Variants in LSP1 observed in about 807,000 individuals in gnomAD.
LSP1 encodes the protein lymphocyte specific protein 1, also known as lymphocyte-specific protein 1.
In LSP1, 32 loss-of-function variants were observed where a neutral mutation model predicts 49.3. The observed-to-expected ratio is 0.65, with a 90% confidence interval of 0.49 to 0.87. The LOEUF (loss-of-function observed/expected upper bound fraction) is 0.87, where lower values mean the gene tolerates loss of function less well. Among genes scored for constraint, LSP1 ranks in the 40% least tolerant of loss-of-function variants. LSP1 has a pLI of 0.00. For missense variants in LSP1, 428 were observed against 442.6 expected (o/e 0.97, Z 0.30); for synonymous variants, 179 against 178.8 (o/e 1.00, Z -0.01).
At chr11:1,879,734 G>A (rs1041158633) in intron 1 of LSP1, among the ~76,000 whole-genome samples, 1 of 152,220 alleles carries the variant, frequency 6.6e-6, no homozygotes, top group Non-Finnish European at 1.5e-5. Flanking sequence ...TCTACTTAGG[G>A]AGGGAGGCAG....
chr11:1,856,493 C>T (rs925895399), intron 1 of LSP1, among the ~76,000 whole-genome samples: 4 of 152,242 alleles, frequency 2.6e-5, no homozygotes, highest in African/African-American at 7.2e-5. Flanking sequence ...GCTCTGGCAG[C>T]ACCTGCCATG....
At chr11:1,862,442 T>C (rs1164383390) in intron 1 of LSP1, among the ~76,000 whole-genome samples, 1 of 152,232 alleles carries the variant, frequency 6.6e-6, no homozygotes, top group Non-Finnish European at 1.5e-5. Context: ...TATTCTTCCT[T>C]CTTTTGAACT....
chr11:1,857,066 TG>T (rs1170066239), intron 1 of LSP1, among the ~76,000 whole-genome samples: 1 of 152,298 alleles, frequency 6.6e-6, no homozygotes, highest in East Asian at 1.9e-4. Context: ...CCTCCTGCCC[TG>T]GGTAAGGGGT....
rs1589812809 is a variant in LSP1 at position 1,868,885 on chromosome 11, C to T, written c.54-11202C>T. Reference sequence around the variant, plus strand: ...CAGCCAGGGTGCCCTGGGCACTCGACCCCCAGATGCCCCTGCTGGAACCGT... The same window carrying T: ...CAGCCAGGGTGCCCTGGGCACTCGATCCCCAGATGCCCCTGCTGGAACCGT... On this transcript the variant is annotated intron_variant, in intron 1 of 10. Coordinates refer to ENST00000311604, the MANE Select transcript of LSP1 (RefSeq NM_002339.3). The T allele has an allele frequency of 4.1e-6, 4 of 985,864 alleles. No homozygotes were observed. The Admixed American group carries it at 1.8e-4, about 45-fold the overall frequency. The allele number at this position is 985,864 out of a possible 1,614,324, so 61.1% of individuals were successfully genotyped here.
At chr11:1,871,576 G>A (rs1198993673) in intron 1 of LSP1, among the ~76,000 whole-genome samples, 3 of 152,234 alleles carry the variant, frequency 2.0e-5, no homozygotes, top group Non-Finnish European at 4.4e-5. Context: ...AGTCTCAGCA[G>A]GGGGCCAAGG....
chr11:1,862,312 GC>G (rs1847663189), intron 1 of LSP1, among the ~76,000 whole-genome samples: 1 of 152,188 alleles, frequency 6.6e-6, no homozygotes. Flanking sequence ...ATGAATCTTG[GC>G]CGCTACATGT....
At chr11:1,887,988 C>T (rs1160308375) in intron 10 of LSP1, among the ~76,000 whole-genome samples, 2 of 152,176 alleles carry the variant, frequency 1.3e-5, no homozygotes, top group Non-Finnish European at 2.9e-5. Flanking sequence ...GGGGCAGGAA[C>T]TTAGGTCCTA....
In LSP1 at chr11:1,871,223, C is replaced by G. The variant is rs763152045; in HGVS notation, c.54-8864C>G. ...AACAGGAGGAGGGGGGAAGAAAGAG[C>G]AGGCACGGGGCAGGCAGAGCCGCAG... is the stretch of plus-strand genomic sequence containing the variant. On this transcript the variant is annotated intron_variant, in intron 1 of 10. Transcript: ENST00000311604. 1.2e-4 allele frequency: 120 copies of G among 986,536 alleles called. No individual in the cohort carries two copies. The Middle Eastern group carries it at 1.6e-3, about 13-fold the overall frequency. 61.1% of individuals were successfully genotyped at this position (986,536 alleles called of 1,614,324 possible). A position where few individuals can be genotyped will look rare whatever the true frequency, so the allele number is the denominator to read the frequency against.
At chr11:1,866,617 C>A in intron 1 of LSP1, 1 of 1,550,464 alleles carries the variant, frequency 6.4e-7, no homozygotes, top group Non-Finnish European at 8.7e-7. Flanking sequence ...AAGCCTCCTC[C>A]TCCTGGGCTT....
chr11:1,871,193 C>T (rs1589815258), intron 1 of LSP1: 1 of 985,938 alleles, frequency 1.0e-6, no homozygotes, highest in Non-Finnish European at 1.2e-6. Flanking sequence ...ATGCACAGCA[C>T]GCAGAACAGG....
At chr11:1,853,640 G>A (rs537948328) in intron 1 of LSP1, among the ~76,000 whole-genome samples, 39 of 152,342 alleles carry the variant, frequency 2.6e-4, no homozygotes, top group Admixed American at 1.1e-3. Context: ...AGGACTATCT[G>A]AGAGGGGCTA....
chr11:1,884,519 C>A lies in LSP1; in HGVS notation c.655C>A (p.Gln219Lys), dbSNP rs368065769. ...CTCCAGTAACAGTGTGAAGAAATCC[C>A]AGCCAGACTTGCCCATCTCCAAGAT... ...IEKSNSVKKS[Q>K]PDLPISKIDQ... is the part of the protein sequence containing the mutation. Residue 219 changes from glutamine to lysine, a missense_variant, in exon 7 of 11, where the codon CAG becomes AAG. Coordinates refer to ENST00000311604, the MANE Select transcript of LSP1 (RefSeq NM_002339.3). This position sits in a 1 kb window ranked among gnomAD's most constrained non-coding sequence, Gnocchi z 4.1. The A allele has an allele frequency of 4.4e-5, 71 of 1,613,792 alleles. No individual in the cohort carries two copies. Among genetic ancestry groups the A allele is most frequent in the Non-Finnish European group, 5.8e-5 (69 of 1,179,922 alleles).
In LSP1 at chr11:1,870,449, C is replaced by T. The variant is rs891003262; in HGVS notation, c.54-9638C>T. On this transcript the variant is annotated intron_variant, in intron 1 of 10. Coordinates refer to ENST00000311604, the MANE Select transcript of LSP1 (RefSeq NM_002339.3). ...CCAGGGATGATGAGTCTGGGAGGGGCTGGTCAGCCATGAAAGCTTCGGGGA... is the reference window on the plus strand; with the variant it reads ...CCAGGGATGATGAGTCTGGGAGGGGTTGGTCAGCCATGAAAGCTTCGGGGA... 30 of 1,201,730 alleles carry T rather than the reference C, an allele frequency of 2.5e-5. No individual in the cohort carries two copies. In the South Asian group the frequency reaches 3.4e-4, roughly 14 times the overall value. The allele number at this position is 1,201,730 out of a possible 1,614,324, so 74.4% of individuals were successfully genotyped here.
At chr11:1,869,858 C>A (rs944913594) in intron 1 of LSP1, 1 of 463,720 alleles carries the variant, frequency 2.2e-6, no homozygotes, top group African/African-American at 2.0e-5. Context: ...GGACTGGGAC[C>A]CCCTGGGTCA....
At chr11:1,860,576 G>T (rs1031842164) in intron 1 of LSP1, among the ~76,000 whole-genome samples, 2 of 152,200 alleles carry the variant, frequency 1.3e-5, no homozygotes. Context: ...GAATGGATGG[G>T]TGGATAGATA....
At chr11:1,879,437 G>A (rs188684654) in intron 1 of LSP1, among the ~76,000 whole-genome samples, 1 of 152,330 alleles carries the variant, frequency 6.6e-6, no homozygotes, top group East Asian at 1.9e-4. Flanking sequence ...ACCCTGTAAG[G>A]TGCCCCCAGC....
chr11:1,883,770 A>G (rs928439961), intron 4 of LSP1, among the ~76,000 whole-genome samples, 162 bp from the exon 5 acceptor site: 1 of 152,142 alleles, frequency 6.6e-6, no homozygotes, highest in Non-Finnish European at 1.5e-5. Flanking sequence ...ACATCTCTCC[A>G]GACTCCTCAG....
intron 1 of LSP1, 58 bp from the exon 2 acceptor site, chr11:1,880,029 G>T: frequency 2.5e-6 from 4 of 1,594,924 alleles, no homozygotes; most frequent in South Asian, 1.1e-5. Context: ...GGAGGAATGG[G>T]TGCAAAACAG....
intron 1 of LSP1, among the ~76,000 whole-genome samples, chr11:1,873,804 A>T (rs1848147877): frequency 6.7e-6 from 1 of 149,254 alleles, no homozygotes; most frequent in Admixed American, 6.6e-5. Flanking sequence ...CCAGAAGAGC[A>T]GGGAGCCCAG....
Sources: gnomAD v4.1 joint callset for allele counts (sites outside exome capture counted in the v4.1 genomes callset) on GRCh38, gnomAD v4.1.1 for gene constraint, Gnocchi (gnomAD v3.1) non-coding constraint, MANE v1.5 for transcripts, NCBI Gene and HGNC (gene_info 2026-07-23, HGNC 2026-07-21) for gene names.